The following GTPBP4 variants were observed in gnomAD, a reference collection of about 807,000 sequenced individuals.
GTPBP4 encodes GTP binding protein 4.
Under a neutral mutation model 81.7 loss-of-function variants are expected in GTPBP4, and 15 were observed. The observed-to-expected ratio is 0.18, with a 90% CI of 0.12 to 0.28. The LOEUF is 0.28. Ranked by LOEUF, GTPBP4 falls within the 10% of genes least tolerant of loss-of-function variation. The pLI is 1.00. For missense variants in GTPBP4, 847 were observed against 793.8 expected (o/e 1.07, Z -0.81); for synonymous variants, 272 against 274.6 (o/e 0.99, Z 0.09).
intron 9 of GTPBP4, among the ~76,000 whole-genome samples, chr10:1,006,115 G>T (rs975915938): frequency 1.3e-5 from 2 of 152,228 alleles, no homozygotes; most frequent in African/African-American, 4.8e-5. Context: ...GTTGTGAGGG[G>T]ATGCTTTGCT....
rs1212613004 is a variant in GTPBP4, at chr10:997,133, A to T, written c.461-75A>T. On this transcript the variant is annotated intron_variant, in intron 4 of 16. Coordinates refer to ENST00000360803, the MANE Select transcript of GTPBP4 (RefSeq NM_012341.3). ...AATATCACCATAGGCCTGGACTGTA[A>T]CTAAGTTGAAAAGAAAATTTAAAGC... 6.1e-5 allele frequency: 56 copies of T among 913,010 alleles called. No individual in the cohort carries two copies. The East Asian group carries it at 1.2e-3, about 20-fold the overall frequency. The allele number at this position is 913,010 out of a possible 1,614,324, so 56.6% of individuals were successfully genotyped here. A position where few individuals can be genotyped will look rare whatever the true frequency, so the allele number is the denominator to read the frequency against.
At chr10:997,419 T>C in intron 5 of GTPBP4, 111 bp downstream of exon 5, 1 of 757,188 alleles carries the variant, frequency 1.3e-6, no homozygotes, top group Non-Finnish European at 2.4e-6. Flanking sequence ...GTTAACTGTA[T>C]TCTGACTGCG....
In GTPBP4 at chr10:1,001,954, C is replaced by T. The variant is rs183403291; in HGVS notation, c.912+941C>T. ...TTGTTTTTTTTTTGAGATGGAGTCT[C>T]GCTCTGTCACTGAGGCTGGAGTGCA... On this transcript the variant is annotated intron_variant, in intron 8 of 16. Coordinates refer to ENST00000360803, the MANE Select transcript of GTPBP4 (RefSeq NM_012341.3). Among the ~76,000 whole-genome samples, 490 of 145,114 alleles carry T rather than the reference C, an allele frequency of 3.4e-3. 2 individuals are homozygous for T. The highest frequency in any genetic ancestry group is 0.011 in the African/African-American group (415 of 38,680).
Position 1,014,301 on chromosome 10 carries a change from G to A in GTPBP4, c.1597G>A (p.Asp533Asn), listed in dbSNP as rs748949217. 5.0e-6 allele frequency: 8 copies of A among 1,605,816 alleles called. No homozygotes were observed. Among genetic ancestry groups the A allele is most frequent in the South Asian group, 2.2e-5 (2 of 90,940 alleles). The change falls in exon 15 of 17, where the codon GAT becomes AAT. Residue 533 changes from aspartate (D) to asparagine (N), a missense_variant. Coordinates refer to ENST00000360803, the MANE Select transcript of GTPBP4 (RefSeq NM_012341.3). ...GCGTAGTCTTGGTGTTGACATGGACGATAAAGACGATGTGAGTGTGGGGGC... is the reference window on the plus strand; with the variant it reads ...GCGTAGTCTTGGTGTTGACATGGACAATAAAGACGATGTGAGTGTGGGGGC... ...EMRSLGVDMD[D>N]KDDAHYAVQA...
In GTPBP4 at chr10:1,009,570, G is replaced by A; in HGVS notation, c.1233G>A (p.Leu411=). Residue 411 remains leucine, a synonymous_variant, in exon 12 of 17, where the codon TTG becomes TTA. Transcript: ENST00000360803. ...TGGAAATGGGAGATGATTATATTTT[G>A]GATCTTCAGAGTAAGGGCCAGAGTG... ...LELEMGDDYI[L]DLQKYWDLMN... 1.3e-6 allele frequency: 2 copies of A among 1,590,560 alleles called. No homozygotes were observed. The highest frequency in any genetic ancestry group is 1.7e-6 in the Non-Finnish European group (2 of 1,158,514).
intron 13 of GTPBP4, among the ~76,000 whole-genome samples, chr10:1,011,802 C>T (rs971561299): frequency 2.6e-5 from 4 of 152,230 alleles, no homozygotes; most frequent in African/African-American, 4.8e-5. Flanking sequence ...ACTGTCCCCG[C>T]GGTGGCCGCC....
At chr10:997,415 T>A in intron 5 of GTPBP4, 107 bp downstream of exon 5, 1 of 772,414 alleles carries the variant, frequency 1.3e-6, no homozygotes, top group South Asian at 1.4e-5. Context: ...CAGTGTTAAC[T>A]GTATTCTGAC....
rs1564472236 is a variant in GTPBP4 at position 1,015,413 on chromosome 10, C to CTCT, written c.1609-340_1609-339insTCT. ...CTGGGAGTGGACCTGGGGTCCTGAG[C>CTCT]GCTGAGCCTGGGAGTGGACCTGGGG... is the stretch of plus-strand genomic sequence containing the variant. On this transcript the variant is annotated intron_variant, in intron 15 of 16. Coordinates refer to ENST00000360803, the MANE Select transcript of GTPBP4 (RefSeq NM_012341.3). 7.0e-4 allele frequency among the ~76,000 whole-genome samples: 85 copies of CTCT among 121,800 alleles called. 1 individual carries two copies. Among genetic ancestry groups the CTCT allele is most frequent in the East Asian group, 1.4e-3 (6 of 4,360 alleles). The allele number at this position is 121,800 out of a possible 152,430, so 79.9% of individuals were successfully genotyped here. A position where few individuals can be genotyped will look rare whatever the true frequency, so the allele number is the denominator to read the frequency against.
intron 6 of GTPBP4, among the ~76,000 whole-genome samples, chr10:999,973 A>AAATAC (rs1441276031): frequency 6.6e-6 from 1 of 152,192 alleles, no homozygotes; most frequent in Non-Finnish European, 1.5e-5. Context: ...AAAAATAAAT[A>AAATAC]AATACAAAGC....
At chr10:1,006,739 A>G (rs1050077399) in intron 9 of GTPBP4, among the ~76,000 whole-genome samples, 6 of 152,192 alleles carry the variant, frequency 3.9e-5, no homozygotes, top group African/African-American at 1.2e-4. Flanking sequence ...TTGCTCGGTT[A>G]GAGTCCTGAG....
At chr10:996,389 T>A in intron 4 of GTPBP4, 147 bp downstream of exon 4, 1 of 550,680 alleles carries the variant, frequency 1.8e-6, no homozygotes. Flanking sequence ...GAAACAGTAA[T>A]AGGCTGGTTT....
At chr10:995,668 G>A (rs890628624) in intron 2 of GTPBP4, among the ~76,000 whole-genome samples, 1 of 152,170 alleles carries the variant, frequency 6.6e-6, no homozygotes, top group East Asian at 1.9e-4. Context: ...ATGCAGGGTC[G>A]GGGGCTGGTC....
chr10:1,010,636 C>CCATCCTG (rs1032110829), intron 13 of GTPBP4, 116 bp downstream of exon 13: 1 of 721,478 alleles, frequency 1.4e-6, no homozygotes, highest in Non-Finnish European at 2.5e-6. Flanking sequence ...CTGCACCCCT[C>CCATCCTG]CATCCTGACT....
At chr10:995,854 G>T (rs1029063676) in intron 2 of GTPBP4, 75 bp from the exon 3 acceptor site, 5 of 840,332 alleles carry the variant, frequency 6.0e-6, no homozygotes, top group African/African-American at 5.1e-5. Flanking sequence ...GAGAGGGAAA[G>T]AAATTGTTCT....
In GTPBP4 at chr10:1,018,153, G is replaced by T. The variant is rs530455327; in HGVS notation, c.*926G>T. ...AAAATTTACCAGGGCTGGGCTGGGC[G>T]CAGGGGCTCAAGCCTGTAGTTCCAG... On this transcript the variant is annotated 3_prime_UTR_variant, in exon 17 of 17. Coordinates refer to ENST00000360803, the MANE Select transcript of GTPBP4 (RefSeq NM_012341.3). The T allele has an allele frequency of 1.3e-5, 2 of 152,404 alleles. No homozygotes were observed. The highest frequency in any genetic ancestry group is 2.1e-4 in the South Asian group (1 of 4,830). The allele number at this position is 152,404 out of a possible 1,614,324, so 9.4% of individuals were successfully genotyped here.
At chr10:1,009,433 G>C (rs1831809794) in intron 11 of GTPBP4, 96 bp from the exon 12 acceptor site, 1 of 852,544 alleles carries the variant, frequency 1.2e-6, no homozygotes, top group Non-Finnish European at 2.0e-6. Flanking sequence ...ATACTGAGAG[G>C]ATTGGAGAAA....
chr10:994,371 C>T (rs1373876226), intron 2 of GTPBP4, among the ~76,000 whole-genome samples: 3 of 152,044 alleles, frequency 2.0e-5, no homozygotes, highest in Non-Finnish European at 4.4e-5. Flanking sequence ...CAGGTTCAAG[C>T]GATTCTCCCA....
intron 10 of GTPBP4, 98 bp downstream of exon 10, chr10:1,007,226 C>G: frequency 2.9e-6 from 2 of 690,994 alleles, no homozygotes; most frequent in Admixed American, 2.2e-5. Flanking sequence ...TTCACACACT[C>G]GCAGGTGGAT....
At chr10:995,855 A>G (rs957050668) in intron 2 of GTPBP4, 74 bp from the exon 3 acceptor site, 28 of 845,380 alleles carry the variant, frequency 3.3e-5, no homozygotes, top group Non-Finnish European at 5.2e-5. Flanking sequence ...AGAGGGAAAG[A>G]AATTGTTCTT....
Sources: allele counts gnomAD v4.1 joint callset (sites outside exome capture counted in the v4.1 genomes callset), GRCh38; gene constraint gnomAD v4.1.1; transcripts MANE v1.5; gene names NCBI Gene and HGNC (gene_info 2026-07-23, HGNC 2026-07-21).